SPATA16: variants seen among roughly 807,000 people sequenced by gnomAD.
The protein encoded by SPATA16 is spermatogenesis-associated protein 16.
A neutral mutation model predicts 63.3 loss-of-function variants in SPATA16; 36 were observed. That is an observed-to-expected ratio of 0.57 (90% CI 0.44 to 0.75). The LOEUF is 0.75. Ranked by LOEUF, SPATA16 falls within the 30% of genes least tolerant of loss-of-function variation. SPATA16 has a pLI of 0.00. For synonymous variants in SPATA16, 203 were observed against 216.7 expected (o/e 0.94, Z 0.56); for missense variants, 646 against 679.3 (o/e 0.95, Z 0.54).
intron 5 of SPATA16, among the ~76,000 whole-genome samples, chr3:172,959,787 C>CATATATATATATATATATATATATAT (rs66806016): frequency 3.1e-4 from 42 of 135,498 alleles, no homozygotes; most frequent in African/African-American, 1.1e-3. Context: ...AGTAATATAA[C>CATATATATATATATATATATATATAT]ATATATATAT....
chr3:172,900,438 T>G (rs550171723), intron 10 of SPATA16, among the ~76,000 whole-genome samples: 1 of 152,340 alleles, frequency 6.6e-6, no homozygotes, highest in Non-Finnish European at 1.5e-5. Flanking sequence ...CTTAAATTTA[T>G]AATTTTGTCT....
At position 172,925,409 on chromosome 3, in the gene SPATA16, T is replaced by G; in HGVS notation, c.1165A>C (p.Lys389Gln). 1.9e-6 allele frequency: 3 copies of G among 1,614,086 alleles called. No individual in the cohort carries two copies. Among genetic ancestry groups the G allele is most frequent in the Non-Finnish European group, 2.5e-6 (3 of 1,179,986 alleles). Reference protein sequence around the residue: ...PQQYLLTLGFKNKDDGKFLEK... With the variant: ...PQQYLLTLGFQNKDDGKFLEK... ...AAAAATTTTCCATCATCTTTGTTTT[T>G]GAACCCAAGAGTCAAGAGATATTGT... The change falls in exon 7 of 11, where the codon AAA becomes CAA. Residue 389 changes from lysine (K) to glutamine (Q), a missense_variant. Transcript: ENST00000351008.
At chr3:172,937,165 A>C (rs1325077479) in intron 6 of SPATA16, among the ~76,000 whole-genome samples, 1 of 152,230 alleles carries the variant, frequency 6.6e-6, no homozygotes, top group East Asian at 1.9e-4. Flanking sequence ...ATTGTGAGAA[A>C]AAAAAATCAC....
chr3:173,060,871 C>T (rs1052373593), intron 2 of SPATA16, among the ~76,000 whole-genome samples: 18 of 152,100 alleles, frequency 1.2e-4, no homozygotes, highest in African/African-American at 3.1e-4. Context: ...ATATGGTTTC[C>T]GGATTCCAGT....
At chr3:172,959,195 A>C (rs1036112839) in intron 5 of SPATA16, among the ~76,000 whole-genome samples, 1 of 152,212 alleles carries the variant, frequency 6.6e-6, no homozygotes, top group African/African-American at 2.4e-5. Context: ...TTTCTTTTCC[A>C]ACTGCTGGCA....
intron 4 of SPATA16, among the ~76,000 whole-genome samples, chr3:173,018,335 C>T (rs1037816588): frequency 2.7e-5 from 4 of 148,912 alleles, no homozygotes; most frequent in East Asian, 2.0e-4. Context: ...AGTGCAATGG[C>T]GCGATCTCGG....
rs891631743 is a variant in SPATA16, at chr3:172,957,716, C to T, written c.934-892G>A. Reference sequence around the variant, plus strand: ...ACAACTAAGGTACTAACAAACAATACGGAAAAATAATAGATATAAGCTTTT... The same window carrying T: ...ACAACTAAGGTACTAACAAACAATATGGAAAAATAATAGATATAAGCTTTT... On this transcript the variant is annotated intron_variant, in intron 5 of 10. Coordinates refer to ENST00000351008, the MANE Select transcript of SPATA16 (RefSeq NM_031955.6). 1.1e-4 allele frequency among the ~76,000 whole-genome samples: 17 copies of T among 152,078 alleles called. No homozygotes were observed. In the South Asian group the frequency reaches 1.2e-3, roughly 11 times the overall value.
At chr3:173,053,342 AC>A (rs917309141) in intron 2 of SPATA16, among the ~76,000 whole-genome samples, 3 of 152,068 alleles carry the variant, frequency 2.0e-5, no homozygotes, top group African/African-American at 7.2e-5. Flanking sequence ...ATACCACTGC[AC>A]TCCAGCCTGG....
chr3:173,014,150 C>G (rs1735129935), intron 4 of SPATA16, among the ~76,000 whole-genome samples: 2 of 152,182 alleles, frequency 1.3e-5, no homozygotes, highest in African/African-American at 4.8e-5. Flanking sequence ...CATTATAGCA[C>G]TATCCACAAT....
intron 2 of SPATA16, among the ~76,000 whole-genome samples, chr3:173,059,421 A>G (rs923714330): frequency 1.3e-5 from 2 of 149,500 alleles, no homozygotes; most frequent in Admixed American, 6.7e-5. Flanking sequence ...TAGCTCATTT[A>G]TCTTACTTTT....
intron 6 of SPATA16, among the ~76,000 whole-genome samples, chr3:172,951,048 A>C (rs1398575290): frequency 6.6e-6 from 1 of 152,182 alleles, no homozygotes; most frequent in East Asian, 1.9e-4. Flanking sequence ...TATATGAATA[A>C]AAATCTCAAG....
chr3:173,099,221 A>G (rs1737431924), intron 2 of SPATA16, among the ~76,000 whole-genome samples: 1 of 152,122 alleles, frequency 6.6e-6, no homozygotes, highest in Admixed American at 6.6e-5. Context: ...ACCATAGGAT[A>G]TTTTGAGAGA....
At chr3:172,927,164 G>T (rs531582346) in intron 6 of SPATA16, among the ~76,000 whole-genome samples, 8 of 152,096 alleles carry the variant, frequency 5.3e-5, no homozygotes, top group African/African-American at 1.4e-4. Flanking sequence ...AAAAAGTAGG[G>T]ATGTTCTGTT....
chr3:172,992,017 T>C (rs1421059887), intron 4 of SPATA16, among the ~76,000 whole-genome samples: 1 of 152,178 alleles, frequency 6.6e-6, no homozygotes, highest in Non-Finnish European at 1.5e-5. Context: ...TACAGGGTAG[T>C]CTCGCCTTTC....
chr3:173,093,076 C>CACACACACACACAT (rs372317726), intron 2 of SPATA16, among the ~76,000 whole-genome samples: 2 of 143,980 alleles, frequency 1.4e-5, no homozygotes, highest in African/African-American at 2.6e-5. Flanking sequence ...CACACACACA[C>CACACACACACACAT]ATATATATAT....
At chr3:172,912,829 A>T (rs1029007047) in intron 10 of SPATA16, among the ~76,000 whole-genome samples, 6 of 152,188 alleles carry the variant, frequency 3.9e-5, no homozygotes, top group Admixed American at 6.5e-5. Flanking sequence ...TAGATTTTTG[A>T]CTGTGCTCCT....
At chr3:173,115,240 G>T (rs1000343418) in intron 2 of SPATA16, among the ~76,000 whole-genome samples, 6 of 152,190 alleles carry the variant, frequency 3.9e-5, no homozygotes, top group African/African-American at 1.4e-4. Flanking sequence ...TAATGCAGAT[G>T]TCTTTTGCTT....
chr3:173,040,956 T>G lies in SPATA16; in HGVS notation c.758+7993A>C, dbSNP rs143503675. On this transcript the variant is annotated intron_variant, in intron 3 of 10. Transcript: ENST00000351008. ...GTTGTATAATAGTTGTTCCCTACAG[T>G]AGAAACAAAGGAAGTATAATCTTTG... Among the ~76,000 whole-genome samples, 3 of 152,174 alleles carry G rather than the reference T, an allele frequency of 2.0e-5. No homozygotes were observed. The East Asian group carries it at 5.8e-4, about 29-fold the overall frequency.
chr3:173,020,462 C>G (rs775108390), intron 3 of SPATA16, among the ~76,000 whole-genome samples: 3 of 152,150 alleles, frequency 2.0e-5, no homozygotes, highest in Non-Finnish European at 2.9e-5. Context: ...CACTTTGGAC[C>G]TCTGTTTTTT....
Sources: allele counts gnomAD v4.1 joint callset (sites outside exome capture counted in the v4.1 genomes callset), GRCh38; gene constraint gnomAD v4.1.1; transcripts MANE v1.5; gene names NCBI Gene and HGNC (gene_info 2026-07-23, HGNC 2026-07-21).